TRPM3: variants seen among roughly 807,000 people sequenced by gnomAD.
TRPM3 encodes the protein transient receptor potential cation channel subfamily M member 3.
TRPM3 carries 77 observed loss-of-function variants against 181.2 expected under a neutral mutation model. The ratio of observed to expected loss-of-function variants is 0.42; its 90% CI spans 0.35 to 0.51. The LOEUF is 0.51. Among genes scored for constraint, TRPM3 ranks in the 20% least tolerant of loss-of-function variants. TRPM3 has a pLI of 0.01. For missense variants in TRPM3, 1,759 were observed against 2,196.7 expected (o/e 0.80, Z 3.98); for synonymous variants, 745 against 796.4 (o/e 0.94, Z 1.09).
chr9:70,955,809 G>A (rs573746408), intron 1 of TRPM3, among the ~76,000 whole-genome samples: 1 of 152,290 alleles, frequency 6.6e-6, no homozygotes, highest in South Asian at 2.1e-4. Flanking sequence ...CCAAGTCTTT[G>A]TCAATGTTTT....
At chr9:71,213,954 C>G (rs2079682523) in intron 1 of TRPM3, among the ~76,000 whole-genome samples, 1 of 152,160 alleles carries the variant, frequency 6.6e-6, no homozygotes, top group South Asian at 2.1e-4. Flanking sequence ...AAATTTAAGT[C>G]TAAAATCTTA....
At chr9:70,624,160 T>C (rs1377184930) in intron 14 of TRPM3, among the ~76,000 whole-genome samples, 4 of 152,212 alleles carry the variant, frequency 2.6e-5, no homozygotes, top group Non-Finnish European at 5.9e-5. Flanking sequence ...TGAAATTGTA[T>C]AATAAAATGT....
intron 1 of TRPM3, among the ~76,000 whole-genome samples, chr9:71,301,783 T>C (rs923063189): frequency 6.6e-6 from 1 of 152,112 alleles, no homozygotes; most frequent in African/African-American, 2.4e-5. Context: ...TTATTATTAT[T>C]ATAAGAACTG....
At chr9:71,054,206 C>A (rs780744092) in intron 1 of TRPM3, among the ~76,000 whole-genome samples, 1 of 152,102 alleles carries the variant, frequency 6.6e-6, no homozygotes, top group Non-Finnish European at 1.5e-5. Flanking sequence ...TTACCCAAGA[C>A]CACCCAGTGG....
At chr9:70,583,956 T>C (rs1356572805) in intron 22 of TRPM3, among the ~76,000 whole-genome samples, 2 of 152,308 alleles carry the variant, frequency 1.3e-5, no homozygotes, top group African/African-American at 4.8e-5. Flanking sequence ...TTTCTGCCCC[T>C]GAACTCTCAT....
chr9:70,556,841 G>A (rs1011001003), intron 22 of TRPM3, among the ~76,000 whole-genome samples: 2 of 152,168 alleles, frequency 1.3e-5, no homozygotes, highest in Non-Finnish European at 2.9e-5. Context: ...GTATATTACT[G>A]TCAAGTAATG....
At chr9:70,824,975 T>A (rs1026166619) in intron 6 of TRPM3, 8 of 152,190 alleles carry the variant, frequency 5.3e-5, no homozygotes, top group African/African-American at 1.9e-4. Flanking sequence ...CTTTACCTAC[T>A]TCAAAGAGCC....
At chr9:70,792,799 G>C (rs757757047) in intron 6 of TRPM3, among the ~76,000 whole-genome samples, 24 of 152,034 alleles carry the variant, frequency 1.6e-4, no homozygotes, top group Non-Finnish European at 2.4e-4. Context: ...TTGCGTAAAG[G>C]CTACATAGTA....
intron 1 of TRPM3, among the ~76,000 whole-genome samples, chr9:71,134,005 G>A (rs1466142234): frequency 5.2e-5 from 7 of 135,458 alleles, no homozygotes; most frequent in African/African-American, 1.9e-4. Flanking sequence ...GTGTGTGTGT[G>A]TGTGTGTGTG....
intron 1 of TRPM3, among the ~76,000 whole-genome samples, chr9:71,414,661 C>T (rs2093610560): frequency 6.6e-6 from 1 of 152,034 alleles, no homozygotes; most frequent in Non-Finnish European, 1.5e-5. Flanking sequence ...ATAAAATACA[C>T]ATAGATCTTG....
intron 22 of TRPM3, among the ~76,000 whole-genome samples, chr9:70,565,224 G>A (rs572638684): frequency 2.0e-5 from 3 of 152,322 alleles, no homozygotes; most frequent in African/African-American, 7.2e-5. Flanking sequence ...TTCTTTCCCA[G>A]AGCAACATTG....
chr9:70,804,937 G>T (rs775224193), intron 6 of TRPM3, among the ~76,000 whole-genome samples: 1 of 152,138 alleles, frequency 6.6e-6, no homozygotes, highest in Non-Finnish European at 1.5e-5. Context: ...AGTCCACCAT[G>T]GCATGCTGAA....
chr9:71,264,409 A>G (rs1432296971), intron 1 of TRPM3, among the ~76,000 whole-genome samples: 2 of 152,236 alleles, frequency 1.3e-5, no homozygotes, highest in African/African-American at 2.4e-5. Context: ...ATTTTCATTT[A>G]TCAATTACAC....
intron 1 of TRPM3, among the ~76,000 whole-genome samples, chr9:70,881,771 T>C (rs1472469020): frequency 6.6e-6 from 1 of 152,212 alleles, no homozygotes; most frequent in Non-Finnish European, 1.5e-5. Context: ...TCCTTTACAG[T>C]ACTGCCTTTA....
chr9:70,640,622 A>G lies in TRPM3; in HGVS notation c.1384T>C (p.Leu462=). The change falls in exon 10 of 26, where the codon TTA becomes CTA. Residue 462 remains leucine (L), a synonymous_variant. Transcript: ENST00000677713. The part of the protein sequence containing the change: ...ASAPDQLSLA[L]AWNRVDIARS... ...GCGATGTCGACTCTGTTCCAGGCTAAAGCTAAGCTCAGTTGGTCTGGGGCC... is the reference window on the plus strand; with the variant it reads ...GCGATGTCGACTCTGTTCCAGGCTAGAGCTAAGCTCAGTTGGTCTGGGGCC... The G allele has an allele frequency of 6.2e-7, 1 of 1,613,786 alleles. No individual in the cohort carries two copies. Among genetic ancestry groups the G allele is most frequent in the Non-Finnish European group, 8.5e-7 (1 of 1,179,832 alleles).
intron 1 of TRPM3, among the ~76,000 whole-genome samples, chr9:71,047,541 G>C (rs1326023430): frequency 6.6e-6 from 1 of 152,100 alleles, no homozygotes; most frequent in African/African-American, 2.4e-5. Context: ...TTTGACACAG[G>C]GTTTGAAATA....
chr9:71,036,269 T>C (rs766432396), intron 1 of TRPM3, among the ~76,000 whole-genome samples: 5 of 152,180 alleles, frequency 3.3e-5, no homozygotes, highest in Non-Finnish European at 7.3e-5. Context: ...AATTGCTTCT[T>C]ATCCAGATGA....
At chr9:71,118,601 A>G (rs2072940073) in intron 1 of TRPM3, among the ~76,000 whole-genome samples, 1 of 152,180 alleles carries the variant, frequency 6.6e-6, no homozygotes, top group South Asian at 2.1e-4. Flanking sequence ...AGCCATCAGG[A>G]CCTACACTGC....
chr9:70,625,170 C>T lies in TRPM3; in HGVS notation c.1809+21G>A. 4 of 1,613,486 alleles carry T rather than the reference C, an allele frequency of 2.5e-6. No homozygotes were observed. Among genetic ancestry groups the T allele is most frequent in the East Asian group, 2.2e-5 (1 of 44,838 alleles). Reference sequence around the variant, plus strand: ...ACCCTAGTCCTCCCAGGAAGGGCCCCGAATTTGCAGCCAGCCTCACCCTCT... The same window carrying T: ...ACCCTAGTCCTCCCAGGAAGGGCCCTGAATTTGCAGCCAGCCTCACCCTCT... On this transcript the variant is annotated intron_variant, in intron 14 of 25. Transcript: ENST00000677713. This position sits in a 1 kb window ranked among gnomAD's most constrained non-coding sequence, Gnocchi z 4.8.
Sources: allele counts gnomAD v4.1 joint callset (sites outside exome capture counted in the v4.1 genomes callset), GRCh38; gene constraint gnomAD v4.1.1; non-coding constraint Gnocchi (gnomAD v3.1); transcripts MANE v1.5; gene names NCBI Gene and HGNC (gene_info 2026-07-23, HGNC 2026-07-21).